Variants in SDCCAG8 observed in about 807,000 individuals in gnomAD.
SDCCAG8 encodes the protein SHH signaling and ciliogenesis regulator SDCCAG8.
In SDCCAG8, 74 loss-of-function variants were observed where a neutral mutation model predicts 101.8. The ratio of observed to expected loss-of-function variants is 0.73; its 90% CI spans 0.60 to 0.88. SDCCAG8 has a LOEUF of 0.88. Among genes scored for constraint, SDCCAG8 ranks in the 40% least tolerant of loss-of-function variants. The pLI is 0.00. For missense variants in SDCCAG8, 787 were observed against 822.6 expected (o/e 0.96, Z 0.53); for synonymous variants, 281 against 292.9 (o/e 0.96, Z 0.41).
chr1:243,435,784 G>T (rs181544470), intron 16 of SDCCAG8, among the ~76,000 whole-genome samples: 1 of 151,752 alleles, frequency 6.6e-6, no homozygotes. Context: ...AAAATTTTCA[G>T]TATGAGCCCC....
At chr1:243,451,147 T>A (rs78973641) in intron 16 of SDCCAG8, among the ~76,000 whole-genome samples, 398 of 152,370 alleles carry the variant, frequency 2.6e-3, no homozygotes, top group Non-Finnish European at 4.3e-3. Context: ...TCACATCTTC[T>A]TCATACTCTA....
chr1:243,449,963 C>T (rs2083230335), intron 16 of SDCCAG8, among the ~76,000 whole-genome samples: 1 of 152,210 alleles, frequency 6.6e-6, no homozygotes, highest in Non-Finnish European at 1.5e-5. Context: ...TGCCAAATTT[C>T]TCACCAGAAC....
chr1:243,465,580 G>T (rs181090209), intron 16 of SDCCAG8, among the ~76,000 whole-genome samples: 1 of 152,160 alleles, frequency 6.6e-6, no homozygotes, highest in Non-Finnish European at 1.5e-5. Flanking sequence ...AGAATTTTCT[G>T]TATGTTAGTC....
At chr1:243,333,003 A>G (rs1420904705) in intron 10 of SDCCAG8, among the ~76,000 whole-genome samples, 2 of 152,312 alleles carry the variant, frequency 1.3e-5, no homozygotes, top group Admixed American at 1.3e-4. Flanking sequence ...CTATAATACC[A>G]TTTTTCCTCT....
intron 13 of SDCCAG8, among the ~76,000 whole-genome samples, chr1:243,391,305 C>A (rs2078683401): frequency 6.6e-6 from 1 of 152,200 alleles, no homozygotes; most frequent in African/African-American, 2.4e-5. Context: ...CTCCTCAGTG[C>A]CCTCTCCCAA....
At chr1:243,431,129 G>A (rs1009950945) in intron 16 of SDCCAG8, among the ~76,000 whole-genome samples, 18 of 152,218 alleles carry the variant, frequency 1.2e-4, no homozygotes, top group South Asian at 4.1e-4. Context: ...CCCGGGAGGC[G>A]GAGGTTGCAG....
intron 9 of SDCCAG8, among the ~76,000 whole-genome samples, chr1:243,328,047 T>A (rs1226235489): frequency 1.4e-5 from 2 of 145,816 alleles, no homozygotes; most frequent in Non-Finnish European, 3.0e-5. Context: ...GGACTACAGG[T>A]GCCCGCCGCC....
intron 6 of SDCCAG8, among the ~76,000 whole-genome samples, chr1:243,299,945 A>T (rs2071337522): frequency 6.6e-6 from 1 of 150,744 alleles, no homozygotes. Flanking sequence ...ACTCACTACA[A>T]CCTCCGCCTC....
chr1:243,436,900 C>G (rs2082170989), intron 16 of SDCCAG8, among the ~76,000 whole-genome samples: 1 of 152,028 alleles, frequency 6.6e-6, no homozygotes. Context: ...GGTCTTTTCG[C>G]AAAAAGACAG....
rs534260433 is a variant in SDCCAG8 at position 243,351,910 on chromosome 1, A to G, written c.1473+7579A>G. The stretch of plus-strand genomic sequence containing the variant: ...ATTCAATTTTTCTGCATAAAGAAGC[A>G]GTTCCAAATCAATCCAGTGAATAAT... On this transcript the variant is annotated intron_variant, in intron 12 of 17. Transcript: ENST00000366541. Among the ~76,000 whole-genome samples, 8 of 152,386 alleles carry G rather than the reference A, an allele frequency of 5.2e-5. No homozygotes were observed. The South Asian group carries it at 1.2e-3, about 24-fold the overall frequency.
intron 15 of SDCCAG8, among the ~76,000 whole-genome samples, chr1:243,421,557 T>G (rs538481272): frequency 1.3e-5 from 2 of 152,322 alleles, no homozygotes; most frequent in South Asian, 2.1e-4. Flanking sequence ...CACAGTAGTT[T>G]GCGCGCTCTG....
At chr1:243,286,421 A>G (rs1390413552) in intron 5 of SDCCAG8, 24 bp downstream of exon 5, 2 of 1,612,856 alleles carry the variant, frequency 1.2e-6, no homozygotes, top group Non-Finnish European at 1.7e-6. Flanking sequence ...TAAATCATAA[A>G]TTTTATTTTA....
intron 16 of SDCCAG8, among the ~76,000 whole-genome samples, chr1:243,427,319 T>G (rs2081402757): frequency 6.6e-6 from 1 of 152,212 alleles, no homozygotes; most frequent in Admixed American, 6.5e-5. Flanking sequence ...TTTCTTTTTG[T>G]GCAGTAATGG....
intron 16 of SDCCAG8, among the ~76,000 whole-genome samples, chr1:243,480,178 A>G (rs925441620): frequency 3.3e-5 from 5 of 150,602 alleles, no homozygotes; most frequent in African/African-American, 9.8e-5. Flanking sequence ...TGCGGGGAGT[A>G]TGGATTCCAG....
Position 243,323,883 on chromosome 1 carries a change from G to A in SDCCAG8, c.1069-6657G>A, listed in dbSNP as rs149471515. Among the ~76,000 whole-genome samples the A allele has an allele frequency of 2.5e-3, 374 of 152,220 alleles. 1 individual carries two copies. Among genetic ancestry groups the A allele is most frequent in the African/African-American group, 8.5e-3 (352 of 41,528 alleles). On this transcript the variant is annotated intron_variant, in intron 9 of 17. Coordinates refer to ENST00000366541, the MANE Select transcript of SDCCAG8 (RefSeq NM_006642.5). ...CTCTTTCCCTTGATTTAGCTGATAT[G>A]TTACTCTCATGGGTCCACATTGTAC... is the stretch of plus-strand genomic sequence containing the variant.
At chr1:243,352,850 C>T (rs2076156339) in intron 12 of SDCCAG8, among the ~76,000 whole-genome samples, 1 of 152,018 alleles carries the variant, frequency 6.6e-6, no homozygotes, top group Admixed American at 6.5e-5. Flanking sequence ...TTTCATTTAA[C>T]ATTATCTTAA....
At chr1:243,304,656 T>G (rs146474700) in intron 6 of SDCCAG8, 57 bp from the exon 7 acceptor site, 4 of 917,340 alleles carry the variant, frequency 4.4e-6, no homozygotes, top group East Asian at 2.6e-5. Context: ...AAATTAAAGT[T>G]TACTTATAAA....
At chr1:243,263,511 ACTT>A (rs34967691) in intron 1 of SDCCAG8, among the ~76,000 whole-genome samples, 43,485 of 152,024 alleles carry the variant, frequency 0.29, 6,470 homozygotes, top group South Asian at 0.52. Context: ...GGCTAGGTTT[ACTT>A]CTTTTATCAG....
intron 13 of SDCCAG8, among the ~76,000 whole-genome samples, chr1:243,399,593 G>A (rs975249959): frequency 5.3e-5 from 8 of 151,906 alleles, no homozygotes; most frequent in African/African-American, 1.7e-4. Context: ...TGCAACCTCC[G>A]CCTCCCGGGT....
Sources: gnomAD v4.1 joint callset for allele counts (sites outside exome capture counted in the v4.1 genomes callset) on GRCh38, gnomAD v4.1.1 for gene constraint, MANE v1.5 for transcripts, NCBI Gene and HGNC (gene_info 2026-07-23, HGNC 2026-07-21) for gene names.